The following EEFSEC variants were observed in gnomAD, a reference collection of about 807,000 sequenced individuals.
The protein encoded by EEFSEC is selenocysteine-specific elongation factor.
EEFSEC carries 43 observed loss-of-function variants against 42.1 expected under a neutral mutation model. That is an observed-to-expected ratio of 1.02 (90% CI 0.80 to 1.32). EEFSEC has a LOEUF of 1.32. Among genes scored for constraint, EEFSEC ranks in the 40% most tolerant of loss-of-function variants. The pLI is 0.00. For missense variants in EEFSEC, 745 were observed against 803.6 expected, an observed-to-expected ratio of 0.93 and a Z score of 0.88; for synonymous variants, 354 against 339.1, an observed-to-expected ratio of 1.04 and a Z score of -0.48.
intron 1 of EEFSEC, among the ~76,000 whole-genome samples, chr3:128,194,437 G>T (rs934166324): frequency 3.9e-5 from 6 of 152,210 alleles, no homozygotes; most frequent in Admixed American, 6.5e-5. Context: ...TGGGATGGTT[G>T]TTTTAACAAT....
chr3:128,231,605 A>C (rs2065959531), intron 1 of EEFSEC, among the ~76,000 whole-genome samples: 1 of 152,138 alleles, frequency 6.6e-6, no homozygotes, highest in African/African-American at 2.4e-5. Context: ...GCTCCAACTC[A>C]GGCTGGCCCT....
intron 4 of EEFSEC, among the ~76,000 whole-genome samples, chr3:128,324,036 G>A (rs998627604): frequency 7.9e-5 from 12 of 152,194 alleles, no homozygotes; most frequent in Non-Finnish European, 1.8e-4. Context: ...GGAGGCACGT[G>A]TAGCCATGGA....
intron 4 of EEFSEC, among the ~76,000 whole-genome samples, chr3:128,303,825 T>C (rs761730875): frequency 5.9e-5 from 9 of 152,218 alleles, no homozygotes; most frequent in Non-Finnish European, 1.0e-4. Context: ...TCTTTCATTC[T>C]TTTGCATGTA....
chr3:128,296,835 G>A (rs148605460), intron 4 of EEFSEC, among the ~76,000 whole-genome samples: 2 of 152,322 alleles, frequency 1.3e-5, no homozygotes, highest in African/African-American at 2.4e-5. Flanking sequence ...GCGTGTGTTG[G>A]CCAGAAGGCC....
chr3:128,405,644 G>A (rs1980419), intron 6 of EEFSEC, among the ~76,000 whole-genome samples: 2,221 of 152,354 alleles, frequency 0.015, 50 homozygotes, highest in African/African-American at 0.05. Context: ...AGGGCCCTCC[G>A]GACTGAAGCT....
intron 2 of EEFSEC, among the ~76,000 whole-genome samples, chr3:128,249,498 C>G (rs556594894): frequency 1.3e-5 from 2 of 152,266 alleles, no homozygotes; most frequent in East Asian, 3.9e-4. Flanking sequence ...CAAGTACATT[C>G]ACAGTGCTGT....
intron 5 of EEFSEC, among the ~76,000 whole-genome samples, chr3:128,346,218 T>C (rs80227411): frequency 0.015 from 2,267 of 152,330 alleles, 58 homozygotes; most frequent in African/African-American, 0.05. Context: ...CTGCTCTTGC[T>C]CCAAATCTAA....
intron 1 of EEFSEC, among the ~76,000 whole-genome samples, chr3:128,176,731 A>G (rs1024460689): frequency 2.0e-5 from 3 of 152,208 alleles, no homozygotes; most frequent in South Asian, 2.1e-4. Context: ...TGTTAGCTAT[A>G]TGGTCTTGGG....
At chr3:128,349,538 G>A (rs1184357675) in intron 5 of EEFSEC, among the ~76,000 whole-genome samples, 1 of 152,172 alleles carries the variant, frequency 6.6e-6, no homozygotes, top group Non-Finnish European at 1.5e-5. Context: ...GACAGTGAGT[G>A]CTCTGCAATA....
chr3:128,356,073 G>A (rs925246721), intron 5 of EEFSEC, among the ~76,000 whole-genome samples: 1 of 152,224 alleles, frequency 6.6e-6, no homozygotes, highest in Non-Finnish European at 1.5e-5. Context: ...GTGAGATGGA[G>A]GGAGAATTCT....
At chr3:128,170,327 C>T (rs1009296317) in intron 1 of EEFSEC, among the ~76,000 whole-genome samples, 5 of 152,132 alleles carry the variant, frequency 3.3e-5, no homozygotes, top group African/African-American at 9.7e-5. Flanking sequence ...CTTTGGGAGG[C>T]GGAGGTGGGT....
chr3:128,330,374 A>T (rs1055130010), intron 4 of EEFSEC, among the ~76,000 whole-genome samples: 6 of 152,238 alleles, frequency 3.9e-5, no homozygotes, highest in Non-Finnish European at 5.9e-5. Context: ...CACTGTGCTG[A>T]GGATCGGTGG....
chr3:128,300,191 C>T (rs1166553243), intron 4 of EEFSEC, among the ~76,000 whole-genome samples: 1 of 152,200 alleles, frequency 6.6e-6, no homozygotes, highest in Non-Finnish European at 1.5e-5. Flanking sequence ...TCTCTTTGTC[C>T]CAGAATTTCC....
chr3:128,191,525 A>G (rs547218716), intron 1 of EEFSEC, among the ~76,000 whole-genome samples: 2 of 152,300 alleles, frequency 1.3e-5, no homozygotes, highest in South Asian at 2.1e-4. Context: ...AGTGGCATTA[A>G]GTAGATTCAC....
intron 6 of EEFSEC, among the ~76,000 whole-genome samples, chr3:128,384,331 C>T (rs1324201444): frequency 6.6e-6 from 1 of 152,232 alleles, no homozygotes; most frequent in Non-Finnish European, 1.5e-5. Flanking sequence ...CTGCAGCAGC[C>T]TGATGGAGCC....
At chr3:128,289,523 C>CATGG (rs2066620841) in intron 4 of EEFSEC, among the ~76,000 whole-genome samples, 1 of 152,242 alleles carries the variant, frequency 6.6e-6, no homozygotes, top group African/African-American at 2.4e-5. Context: ...CTCAACTGTG[C>CATGG]ATGGGAATGC....
At chr3:128,225,217 A>G (rs928226896) in intron 1 of EEFSEC, among the ~76,000 whole-genome samples, 2 of 151,842 alleles carry the variant, frequency 1.3e-5, no homozygotes, top group East Asian at 1.9e-4. Flanking sequence ...TTTTGTGTCT[A>G]TTCTTAAGGA....
At chr3:128,381,374 T>C (rs969110753) in intron 6 of EEFSEC, among the ~76,000 whole-genome samples, 4 of 152,236 alleles carry the variant, frequency 2.6e-5, no homozygotes, top group African/African-American at 9.6e-5. Flanking sequence ...TAGAAAGGGA[T>C]GATTGCCGAT....
chr3:128,354,912 T>G (rs1410589180), intron 5 of EEFSEC, among the ~76,000 whole-genome samples: 1 of 152,166 alleles, frequency 6.6e-6, no homozygotes, highest in African/African-American at 2.4e-5. Flanking sequence ...CTGCTGTGTT[T>G]AGCATGAGGG....
Sources: gnomAD v4.1 joint callset for allele counts (sites outside exome capture counted in the v4.1 genomes callset) on GRCh38, gnomAD v4.1.1 for gene constraint, MANE v1.5 for transcripts, NCBI Gene and HGNC (gene_info 2026-07-23, HGNC 2026-07-21) for gene names.